The following CELF2 variants were observed in gnomAD, a reference collection of about 807,000 sequenced individuals.
The protein encoded by CELF2 is CUG triplet repeat RNA-binding protein 2.
CELF2 carries 8 observed loss-of-function variants against 62.6 expected under a neutral mutation model. That is an observed-to-expected ratio of 0.13 (90% CI 0.07 to 0.23). CELF2 has a LOEUF of 0.23. Among genes scored for constraint, CELF2 ranks in the 10% least tolerant of loss-of-function variants. The pLI is 1.00. For synonymous variants in CELF2, 258 were observed against 250.0 expected, an observed-to-expected ratio of 1.03 and a Z score of -0.30; for missense variants, 333 against 671.0, an observed-to-expected ratio of 0.50 and a Z score of 5.56.
chr10:11,308,823 T>C (rs1207730622), intron 9 of CELF2, among the ~76,000 whole-genome samples: 1 of 146,072 alleles, frequency 6.8e-6, no homozygotes, highest in Non-Finnish European at 1.5e-5. Context: ...ATTTGCCTGG[T>C]AGATGTCTAT....
At chr10:11,249,897 A>G (rs2076639387) in intron 4 of CELF2, among the ~76,000 whole-genome samples, 1 of 152,166 alleles carries the variant, frequency 6.6e-6, no homozygotes, top group Non-Finnish European at 1.5e-5. Context: ...AATTTACTGA[A>G]ATGTATGTTA....
intron 1 of CELF2, among the ~76,000 whole-genome samples, chr10:11,152,558 G>C (rs1564961994): frequency 6.6e-6 from 1 of 152,150 alleles, no homozygotes; most frequent in Non-Finnish European, 1.5e-5. Flanking sequence ...CTTTCAACTT[G>C]TCACCTTTTA....
chr10:10,604,730 T>C, the CELF2 span, among the ~76,000 whole-genome samples: 1 of 152,248 alleles, frequency 6.6e-6, no homozygotes, highest in Non-Finnish European at 1.5e-5. Context: ...TCTTACTTCT[T>C]CATTATTAAT....
the CELF2 span, among the ~76,000 whole-genome samples, chr10:10,632,054 T>G: frequency 6.6e-6 from 1 of 152,332 alleles, no homozygotes; most frequent in African/African-American, 2.4e-5. Context: ...GTGTCCCTAT[T>G]TGCTCTCTTT....
At chr10:10,998,688 G>C (rs1053350840) in intron 2 of CELF2, among the ~76,000 whole-genome samples, 1 of 152,156 alleles carries the variant, frequency 6.6e-6, no homozygotes, top group Non-Finnish European at 1.5e-5. Context: ...GGTGACACCA[G>C]CTCTTGGGGC....
At chr10:11,248,017 C>G (rs1040089216) in intron 3 of CELF2, among the ~76,000 whole-genome samples, 10 of 152,184 alleles carry the variant, frequency 6.6e-5, no homozygotes, top group Non-Finnish European at 1.0e-4. Context: ...AGTGCCATTT[C>G]CCTTTCATTG....
chr10:10,973,353 C>A (rs1468149654), intron 2 of CELF2, among the ~76,000 whole-genome samples: 1 of 152,062 alleles, frequency 6.6e-6, no homozygotes, highest in Non-Finnish European at 1.5e-5. Flanking sequence ...ACTCCTGGGT[C>A]CCAGCACCCC....
At position 11,289,999 on chromosome 10, in the gene CELF2, A is replaced by G. The variant is rs11257050; in HGVS notation, c.976+1447A>G. ...CTGTGAGCACTTTGATTACCCCAAA[A>G]TAGCACTGAGTATTGTGAATGCATT... On this transcript the variant is annotated intron_variant, in intron 9 of 12. Transcript: ENST00000633077. Among the ~76,000 whole-genome samples, 9 of 152,314 alleles carry G rather than the reference A, an allele frequency of 5.9e-5. No homozygotes were observed. The East Asian group carries it at 1.7e-3, about 29-fold the overall frequency.
At chr10:10,590,895 A>C in the CELF2 span, among the ~76,000 whole-genome samples, 1 of 152,186 alleles carries the variant, frequency 6.6e-6, no homozygotes, top group Non-Finnish European at 1.5e-5. Flanking sequence ...CTATTCCTCC[A>C]GGGCAAAATG....
intron 1 of CELF2, among the ~76,000 whole-genome samples, chr10:11,065,883 G>T (rs1362248743): frequency 1.3e-5 from 2 of 152,154 alleles, no homozygotes; most frequent in East Asian, 3.9e-4. Context: ...ATCAGGGTAG[G>T]CTTTCTCCGG....
chr10:10,626,871 A>G, the CELF2 span, among the ~76,000 whole-genome samples: 1 of 152,220 alleles, frequency 6.6e-6, no homozygotes. Flanking sequence ...CAACACTGAC[A>G]ACATTTCAAG....
intron 1 of CELF2, among the ~76,000 whole-genome samples, chr10:11,045,651 C>T (rs908924380): frequency 4.6e-5 from 7 of 152,144 alleles, no homozygotes; most frequent in African/African-American, 1.7e-4. Flanking sequence ...TGGAATGACT[C>T]TCAGGTAAAG....
rs1395176599 is a variant in CELF2 at position 11,302,656 on chromosome 10, G to A, written c.977-11483G>A. Among the ~76,000 whole-genome samples, 1 of 152,190 alleles carries A rather than the reference G, an allele frequency of 6.6e-6. No homozygotes were observed. The highest frequency in any genetic ancestry group is 1.5e-5 in the Non-Finnish European group (1 of 68,042). On this transcript the variant is annotated intron_variant, in intron 9 of 12. Transcript: ENST00000633077. This position sits in a 1 kb window ranked among gnomAD's most constrained non-coding sequence, Gnocchi z 5.0. ...CTCTGTGATCTGGTCATTTAGGATC[G>A]AGTTGGGTGTACTTGGTGTGGCAGC...
At chr10:11,035,250 C>T (rs2060769258) in intron 1 of CELF2, among the ~76,000 whole-genome samples, 1 of 152,038 alleles carries the variant, frequency 6.6e-6, no homozygotes, top group Admixed American at 6.6e-5. Flanking sequence ...TACCTAAATC[C>T]TTATACATAG....
At chr10:10,650,013 T>C in the CELF2 span, among the ~76,000 whole-genome samples, 2 of 152,174 alleles carry the variant, frequency 1.3e-5, no homozygotes, top group African/African-American at 4.8e-5. Context: ...TCTGTGTGGA[T>C]GGACTAGGAC....
In CELF2 at chr10:11,011,651, C is replaced by G. The variant is rs1047000245; in HGVS notation, c.53+6211C>G. 5.3e-5 allele frequency among the ~76,000 whole-genome samples: 8 copies of G among 149,738 alleles called. No individual in the cohort carries two copies. In the South Asian group the frequency reaches 8.3e-4, roughly 16 times the overall value. ...ATTAGGTCACATGACACTTTGTACT[C>G]AGCGATAGTGGTAGGACAAGATAGA... On this transcript the variant is annotated intron_variant, in intron 1 of 12. Transcript: ENST00000416382. This position sits in a 1 kb window ranked among gnomAD's most constrained non-coding sequence, Gnocchi z 4.6.
chr10:11,094,165 T>G (rs895389355), intron 1 of CELF2, among the ~76,000 whole-genome samples: 18 of 152,220 alleles, frequency 1.2e-4, no homozygotes, highest in African/African-American at 4.3e-4. Flanking sequence ...TGTGGCAAAT[T>G]AACTTGCTGG....
At chr10:10,915,064 G>A (rs887180937) in intron 1 of CELF2, among the ~76,000 whole-genome samples, 13 of 151,654 alleles carry the variant, frequency 8.6e-5, no homozygotes, top group Admixed American at 2.0e-4. Context: ...CCTGGGAGGC[G>A]GAGGTTGCAG....
the CELF2 span, among the ~76,000 whole-genome samples, chr10:10,479,743 A>C: frequency 6.6e-6 from 1 of 152,224 alleles, no homozygotes; most frequent in Non-Finnish European, 1.5e-5. Flanking sequence ...AAGTTTACAC[A>C]CTTGGAAAGT....
Sources: gnomAD v4.1 joint callset for allele counts (sites outside exome capture counted in the v4.1 genomes callset) on GRCh38, gnomAD v4.1.1 for gene constraint, Gnocchi (gnomAD v3.1) non-coding constraint, MANE v1.5 for transcripts, NCBI Gene and HGNC (gene_info 2026-07-23, HGNC 2026-07-21) for gene names.